Variants in NCOA1 observed in about 807,000 individuals in gnomAD.
NCOA1 encodes the protein nuclear receptor coactivator 1, also known as Hin-2 protein.
In NCOA1, 35 loss-of-function variants were observed where a neutral mutation model predicts 150.9. That is an observed-to-expected ratio of 0.23 (90% CI 0.18 to 0.31). The LOEUF is 0.31. Ranked by LOEUF, NCOA1 falls within the 10% of genes least tolerant of loss-of-function variation. The pLI is 1.00. For missense variants in NCOA1, 1,491 were observed against 1,749.3 expected (o/e 0.85, Z 2.63); for synonymous variants, 590 against 630.0 (o/e 0.94, Z 0.95).
At chr2:24,683,188 T>C (rs1367145120) in intron 8 of NCOA1, 60 bp downstream of exon 8, 2 of 899,650 alleles carry the variant, frequency 2.2e-6, no homozygotes, top group Admixed American at 3.7e-5. Flanking sequence ...CCTTATATAA[T>C]ATGTATAATA....
chr2:24,563,687 T>C (rs183188133), intron 1 of NCOA1, among the ~76,000 whole-genome samples: 1 of 152,196 alleles, frequency 6.6e-6, no homozygotes, highest in East Asian at 1.9e-4. Context: ...CCAGCTAATT[T>C]TTGTAATTTT....
At chr2:24,516,073 C>T (rs1225330479) in intron 1 of NCOA1, among the ~76,000 whole-genome samples, 3 of 151,586 alleles carry the variant, frequency 2.0e-5, no homozygotes, top group Admixed American at 6.6e-5. Flanking sequence ...ATGCTAGCTG[C>T]TTGGTAGGCT....
At chr2:24,702,581 T>C (rs1673216707) in intron 11 of NCOA1, among the ~76,000 whole-genome samples, 1 of 152,164 alleles carries the variant, frequency 6.6e-6, no homozygotes, top group African/African-American at 2.4e-5. Flanking sequence ...TGTTGAGGCC[T>C]ATTCTAGGGA....
At chr2:24,739,410 T>C (rs1179703145) in intron 17 of NCOA1, 22 bp from the exon 18 acceptor site, 1 of 1,528,126 alleles carries the variant, frequency 6.5e-7, no homozygotes, top group South Asian at 1.1e-5. Context: ...AAATATATCT[T>C]ATTGTTTCCA....
chr2:24,530,205 A>C (rs1664823913), intron 1 of NCOA1, among the ~76,000 whole-genome samples: 1 of 152,158 alleles, frequency 6.6e-6, no homozygotes, highest in African/African-American at 2.4e-5. Flanking sequence ...TACAGTGTGG[A>C]TTTAAGCAAA....
At chr2:24,718,791 C>G (rs1259445684) in intron 14 of NCOA1, among the ~76,000 whole-genome samples, 2 of 150,538 alleles carry the variant, frequency 1.3e-5, no homozygotes, top group African/African-American at 2.4e-5. Flanking sequence ...ATGGCCTGAA[C>G]CCGGGAGGCA....
At chr2:24,545,558 A>AC (rs909098409) in intron 1 of NCOA1, among the ~76,000 whole-genome samples, 6 of 151,434 alleles carry the variant, frequency 4.0e-5, no homozygotes, top group African/African-American at 1.5e-4. Flanking sequence ...ACCTCCTACC[A>AC]CCCCCTTGAG....
intron 3 of NCOA1, among the ~76,000 whole-genome samples, chr2:24,592,118 G>A (rs1271724296): frequency 6.6e-6 from 1 of 152,128 alleles, no homozygotes; most frequent in Non-Finnish European, 1.5e-5. Flanking sequence ...TTTAATAACT[G>A]AAAACGTCGC....
At chr2:24,736,221 CAAA>C (rs758822213) in intron 17 of NCOA1, among the ~76,000 whole-genome samples, 3 of 63,574 alleles carry the variant, frequency 4.7e-5, no homozygotes, top group Admixed American at 1.7e-4. Context: ...AACTCCGTCT[CAAA>C]AAAAAAAAAA....
chr2:24,718,823 C>T (rs576010131), intron 14 of NCOA1, among the ~76,000 whole-genome samples: 18 of 149,702 alleles, frequency 1.2e-4, no homozygotes, highest in Admixed American at 5.3e-4. Flanking sequence ...GAGCCGAGAT[C>T]GCGCCACTGC....
At chr2:24,731,037 CAAAAAAAAA>C (rs202108180) in intron 17 of NCOA1, among the ~76,000 whole-genome samples, 1 of 61,478 alleles carries the variant, frequency 1.6e-5, no homozygotes, top group Admixed American at 1.7e-4. Flanking sequence ...GACTCTGTCT[CAAAAAAAAA>C]AAAAAAAAAG....
chr2:24,721,967 C>G (rs959369181), intron 14 of NCOA1, among the ~76,000 whole-genome samples: 1 of 152,072 alleles, frequency 6.6e-6, no homozygotes, highest in Non-Finnish European at 1.5e-5. Flanking sequence ...GATTTGTGTT[C>G]CCCTTTTTTC....
At chr2:24,718,334 G>A (rs1259077008) in intron 14 of NCOA1, among the ~76,000 whole-genome samples, 1 of 152,142 alleles carries the variant, frequency 6.6e-6, no homozygotes, top group Non-Finnish European at 1.5e-5. Flanking sequence ...GCAAGGGTGT[G>A]GAACAATTTG....
intron 4 of NCOA1, among the ~76,000 whole-genome samples, chr2:24,648,901 T>C (rs1056622143): frequency 1.3e-5 from 2 of 152,116 alleles, no homozygotes; most frequent in African/African-American, 4.8e-5. Flanking sequence ...TTTTAGATAT[T>C]GAAGTAATTT....
chr2:24,736,908 T>G (rs1248709281), intron 17 of NCOA1, among the ~76,000 whole-genome samples: 1 of 152,160 alleles, frequency 6.6e-6, no homozygotes, highest in East Asian at 1.9e-4. Flanking sequence ...ATCTTTTAGG[T>G]TTCCTATAGG....
intron 7 of NCOA1, 132 bp downstream of exon 7, chr2:24,673,595 A>G (rs1671776316): frequency 1.9e-6 from 1 of 536,144 alleles, no homozygotes; most frequent in Non-Finnish European, 3.2e-6. Flanking sequence ...TAATTATTTT[A>G]TTATGAGAAC....
chr2:24,521,847 A>G (rs1203156113), intron 1 of NCOA1, among the ~76,000 whole-genome samples: 1 of 152,148 alleles, frequency 6.6e-6, no homozygotes, highest in Non-Finnish European at 1.5e-5. Flanking sequence ...ATTCTCACCA[A>G]CAATGTATAA....
At chr2:24,639,334 A>C (rs941842392) in intron 3 of NCOA1, among the ~76,000 whole-genome samples, 2 of 152,016 alleles carry the variant, frequency 1.3e-5, no homozygotes, top group Non-Finnish European at 2.9e-5. Flanking sequence ...TCAGTTACTG[A>C]ATTGATTTTT....
At chr2:24,616,052 A>G (rs1305508315) in intron 3 of NCOA1, among the ~76,000 whole-genome samples, 2 of 152,214 alleles carry the variant, frequency 1.3e-5, no homozygotes, top group Non-Finnish European at 2.9e-5. Context: ...CACTCTTTAT[A>G]TGTAATACTG....
Sources: gnomAD v4.1 joint callset for allele counts (sites outside exome capture counted in the v4.1 genomes callset) on GRCh38, gnomAD v4.1.1 for gene constraint, MANE v1.5 for transcripts, NCBI Gene and HGNC (gene_info 2026-07-23, HGNC 2026-07-21) for gene names.